UTS2B: variants seen among roughly 807,000 people sequenced by gnomAD.
UTS2B encodes urotensin 2B.
In UTS2B, 21 loss-of-function variants were observed where a neutral mutation model predicts 19.2. The observed-to-expected ratio is 1.09, with a 90% confidence interval of 0.78 to 1.58. UTS2B has a LOEUF of 1.58. Among genes scored for constraint, UTS2B ranks in the 40% most tolerant of loss-of-function variants. The pLI is 0.00. For synonymous variants in UTS2B, 57 were observed against 50.2 expected (o/e 1.14, Z -0.58); for missense variants, 138 against 130.3 (o/e 1.06, Z -0.29).
intron 4 of UTS2B, among the ~76,000 whole-genome samples, chr3:191,304,062 T>C (rs1413724033): frequency 6.6e-6 from 1 of 151,934 alleles, no homozygotes; most frequent in Non-Finnish European, 1.5e-5. Flanking sequence ...CTCCGCCTCC[T>C]GGGCTCAAGA....
chr3:191,289,226 G>A (rs1481879921), intron 4 of UTS2B, among the ~76,000 whole-genome samples: 1 of 151,954 alleles, frequency 6.6e-6, no homozygotes, highest in Non-Finnish European at 1.5e-5. Flanking sequence ...TGGCTAACAT[G>A]GTGAAACCCC....
intron 4 of UTS2B, among the ~76,000 whole-genome samples, chr3:191,298,967 G>A (rs1303936135): frequency 6.6e-6 from 1 of 152,202 alleles, no homozygotes; most frequent in Admixed American, 6.5e-5. Context: ...GGGATCTGTG[G>A]AACTTTGAAA....
chr3:191,290,653 G>T (rs12495011), intron 4 of UTS2B, among the ~76,000 whole-genome samples: 58,746 of 151,976 alleles, frequency 0.39, 11,873 homozygotes, highest in East Asian at 0.64. Flanking sequence ...AGAAACATTT[G>T]AACTTTGTAT....
chr3:191,289,451 A>AAAT (rs1560137145), intron 4 of UTS2B, among the ~76,000 whole-genome samples: 9 of 104,460 alleles, frequency 8.6e-5, no homozygotes, highest in Admixed American at 3.0e-4. Context: ...AATAAATAAA[A>AAAT]AACAAACGAA....
chr3:191,273,808 T>C (rs1419358600), intron 8 of UTS2B, among the ~76,000 whole-genome samples: 1 of 152,252 alleles, frequency 6.6e-6, no homozygotes, highest in African/African-American at 2.4e-5. Context: ...AACAAAATCC[T>C]TGGAGTAATT....
At chr3:191,283,516 T>C (rs1015793220) in intron 4 of UTS2B, among the ~76,000 whole-genome samples, 2 of 152,208 alleles carry the variant, frequency 1.3e-5, no homozygotes, top group African/African-American at 4.8e-5. Context: ...TCTTCTTTCA[T>C]TAGTTATGTA....
intron 8 of UTS2B, among the ~76,000 whole-genome samples, chr3:191,270,234 T>C (rs1351333119): frequency 6.6e-6 from 1 of 152,206 alleles, no homozygotes; most frequent in African/African-American, 2.4e-5. Flanking sequence ...TTCAGCTTTG[T>C]CACCGAAGCT....
chr3:191,285,107 C>T (rs1716498908), intron 4 of UTS2B, among the ~76,000 whole-genome samples: 1 of 152,132 alleles, frequency 6.6e-6, no homozygotes, highest in Non-Finnish European at 1.5e-5. Flanking sequence ...AAAGACAACA[C>T]TGTTAAAAAT....
chr3:191,330,974 A>G (rs150071884), upstream of UTS2B, among the ~76,000 whole-genome samples: 180 of 152,306 alleles, frequency 1.2e-3, no homozygotes, highest in African/African-American at 4.1e-3. Context: ...CGTCCCTGGT[A>G]TGGCTTTGAT....
rs572202010 is a variant in UTS2B at position 191,317,320 on chromosome 3, C to CA, written c.-585-882dup. Among the ~76,000 whole-genome samples the CA allele has an allele frequency of 1.4e-4, 22 of 152,338 alleles. No homozygotes were observed. The South Asian group carries it at 3.5e-3, about 24-fold the overall frequency. On this transcript the variant is annotated intron_variant, in intron 2 of 8. Coordinates refer to ENST00000340524, the MANE Select transcript of UTS2B (RefSeq NM_198152.5). The stretch of plus-strand genomic sequence containing the variant: ...CGGGGGGGCCTCCCAAGCCTGTACC[C>CA]ACCTGGAACTCGTGCTAGCCCGCAA...
At chr3:191,312,903 A>G (rs930780845) in intron 3 of UTS2B, among the ~76,000 whole-genome samples, 7 of 152,198 alleles carry the variant, frequency 4.6e-5, no homozygotes, top group Non-Finnish European at 2.9e-5. Flanking sequence ...AAGGATAACG[A>G]GGCACAGAAA....
intron 8 of UTS2B, 88 bp from the exon 9 acceptor site, chr3:191,268,529 CG>C: frequency 1.1e-6 from 1 of 911,050 alleles, no homozygotes; most frequent in Non-Finnish European, 1.6e-6. Context: ...TGCCTGAATG[CG>C]AGAGTTAAGT....
At position 191,275,299 on chromosome 3, in the gene UTS2B, G is replaced by A. The variant is rs3732710; in HGVS notation, c.287C>T (p.Thr96Met). The A allele has an allele frequency of 5.3e-5, 86 of 1,613,694 alleles. No individual in the cohort carries two copies. The East Asian group carries it at 1.5e-3, about 29-fold the overall frequency. Residue 96 changes from threonine (T) to methionine (M), a missense_variant, in exon 8 of 9, where the codon ACG (threonine) becomes ATG (methionine). Transcript: ENST00000340524. ...EQLVEEKDSE[T>M]SYAVDGLFSS... ...GAATAGACCATCTACAGCATAGGAC[G>A]TCTCAGAATCCTTCTCCTCCACTAG... is the stretch of plus-strand genomic sequence containing the variant.
chr3:191,319,517 A>G (rs2108611448), intron 2 of UTS2B, among the ~76,000 whole-genome samples: 1 of 152,134 alleles, frequency 6.6e-6, no homozygotes, highest in Middle Eastern at 3.4e-3. Flanking sequence ...TTTAAATTAC[A>G]CCTTCTGTCT....
chr3:191,345,777 C>G, the UTS2B span, among the ~76,000 whole-genome samples: 1 of 151,968 alleles, frequency 6.6e-6, no homozygotes, highest in Non-Finnish European at 1.5e-5. Context: ...TGATAAATTA[C>G]GTGAGAATGA....
intron 3 of UTS2B, among the ~76,000 whole-genome samples, chr3:191,313,718 C>A (rs1717366149): frequency 6.8e-6 from 1 of 147,614 alleles, no homozygotes; most frequent in African/African-American, 2.6e-5. Context: ...TGCATTCCTC[C>A]ACTTTCCTTT....
intron 2 of UTS2B, among the ~76,000 whole-genome samples, chr3:191,326,720 A>C (rs137987125): frequency 9.2e-5 from 14 of 152,342 alleles, no homozygotes; most frequent in African/African-American, 3.4e-4. Flanking sequence ...AATTCACCAT[A>C]TGTTCATTCC....
chr3:191,343,794 T>C, the UTS2B span, among the ~76,000 whole-genome samples: 1 of 152,328 alleles, frequency 6.6e-6, no homozygotes, highest in East Asian at 1.9e-4. Context: ...CTTGGTAAAG[T>C]ATTAGAGATT....
chr3:191,326,056 G>C (rs577005062), intron 2 of UTS2B, among the ~76,000 whole-genome samples: 2 of 152,248 alleles, frequency 1.3e-5, no homozygotes, highest in East Asian at 3.9e-4. Context: ...AGGAAGCACT[G>C]GGGGCCAAGG....
Sources: gnomAD v4.1 joint callset for allele counts (sites outside exome capture counted in the v4.1 genomes callset) on GRCh38, gnomAD v4.1.1 for gene constraint, MANE v1.5 for transcripts, NCBI Gene and HGNC (gene_info 2026-07-23, HGNC 2026-07-21) for gene names.